Variants in ADAMTS5 observed in about 807,000 individuals in gnomAD.
The protein encoded by ADAMTS5 is A disintegrin and metalloproteinase with thrombospondin motifs 5.
In ADAMTS5, 54 loss-of-function variants were observed where a neutral mutation model predicts 81.4. The observed-to-expected ratio is 0.66, with a 90% CI of 0.53 to 0.83. The LOEUF is 0.83. ADAMTS5 is among the 40% of genes least tolerant of loss of function. ADAMTS5 has a pLI of 0.00. For synonymous variants in ADAMTS5, 532 were observed against 508.8 expected, an observed-to-expected ratio of 1.05 and a Z score of -0.61; for missense variants, 1,194 against 1,229.9, an observed-to-expected ratio of 0.97 and a Z score of 0.44.
At position 26,965,883 on chromosome 21, in the gene ADAMTS5, C is replaced by A; in HGVS notation, c.509G>T (p.Arg170Leu). 1 of 1,613,866 alleles carries A rather than the reference C, an allele frequency of 6.2e-7. No homozygotes were observed. Among genetic ancestry groups the A allele is most frequent in the Non-Finnish European group, 8.5e-7 (1 of 1,179,928 alleles). Residue 170 changes from arginine (R) to leucine (L), a missense_variant, in exon 1 of 8, where the codon CGC (arginine) becomes CTC (leucine). Arg to Leu is a moderately radical substitution (Grantham distance 102). Coordinates refer to ENST00000284987, the MANE Select transcript of ADAMTS5 (RefSeq NM_007038.5). ...HARYTLKPLL[R>L]GPWAEEEKGR... ...CTTTTCTTCCTCCGCCCAGGGTCCG[C>A]GCAGCAGTGGCTTTAGGGTGTAGCG...
intron 7 of ADAMTS5, among the ~76,000 whole-genome samples, chr21:26,926,346 C>T (rs553966816): frequency 6.6e-6 from 1 of 152,314 alleles, no homozygotes; most frequent in African/African-American, 2.4e-5. Flanking sequence ...AACAAGTTCA[C>T]TTTAGAGCTG....
Position 26,965,637 on chromosome 21 carries a change from G to T in ADAMTS5, c.755C>A (p.Pro252Gln). 5 of 1,596,366 alleles carry T rather than the reference G, an allele frequency of 3.1e-6. No individual in the cohort carries two copies. In the African/African-American group the frequency reaches 4.0e-5, roughly 13 times the overall value. Residue 252 changes from proline to glutamine, a missense_variant, in exon 1 of 8, where the codon CCG (proline) becomes CAG (glutamine). Transcript: ENST00000284987. ...GCGCCGCCGCCGCCACCACGTCTGC[G>T]GTCCTGAGCCCCCAGCGGGCGAGAG... ...SALSPAGGSG[P>Q]QTWWRRRRRS...
chr21:26,930,164 G>C, intron 6 of ADAMTS5, 103 bp from the exon 7 acceptor site: 1 of 1,085,972 alleles, frequency 9.2e-7, no homozygotes, highest in Non-Finnish European at 1.3e-6. Flanking sequence ...AGTTTGATTG[G>C]TATGGACAGT....
chr21:26,942,288 C>T (rs1235374332), intron 3 of ADAMTS5, among the ~76,000 whole-genome samples: 1 of 152,098 alleles, frequency 6.6e-6, no homozygotes, highest in Non-Finnish European at 1.5e-5. Context: ...AAACAGTCAA[C>T]ATACTAAAAA....
rs753611853 is a variant in ADAMTS5, at chr21:26,966,122, G to A, written c.270C>T (p.Leu90=). 1.2e-5 allele frequency: 20 copies of A among 1,612,562 alleles called. No homozygotes were observed. In the African/African-American group the frequency reaches 1.9e-4, roughly 15 times the overall value. ...LYSGGGKVGY[L]VYAGGRRFLL... ...GGAACCTCCGGCCGCCCGCGTAGACGAGGTAGCCCACCTTGCCGCCGCCGG... is the reference window on the plus strand; with the variant it reads ...GGAACCTCCGGCCGCCCGCGTAGACAAGGTAGCCCACCTTGCCGCCGCCGG... Residue 90 remains leucine (L), a synonymous_variant, in exon 1 of 8, where the codon CTC becomes CTT. Transcript: ENST00000284987.
chr21:26,964,702 C>T (rs535183803), intron 1 of ADAMTS5, among the ~76,000 whole-genome samples: 1 of 152,256 alleles, frequency 6.6e-6, no homozygotes, highest in Admixed American at 6.5e-5. Flanking sequence ...ACTGAGATTC[C>T]AAGGTGGACA....
Position 26,924,583 on chromosome 21 carries a change from C to A in ADAMTS5, c.2263G>T (p.Ala755Ser). ...YTDVVRIPEG[A>S]THIKVRQFKA... is the part of the protein sequence containing the mutation. ...AACTGTCGAACTTTTATGTGGGTTG[C>A]CCCTTCAGGAATCCTCACCACGTCA... The change falls in exon 8 of 8, where the codon GCA becomes TCA. Residue 755 changes from alanine (A) to serine (S), a missense_variant. Physicochemically the swap from Ala to Ser is moderately conservative, Grantham distance 99 (BLOSUM62 1). Transcript: ENST00000284987. 2 of 1,613,708 alleles carry A rather than the reference C, an allele frequency of 1.2e-6. No individual in the cohort carries two copies. The highest frequency in any genetic ancestry group is 2.2e-5 in the South Asian group (2 of 91,002).
chr21:26,930,577 C>A (rs900824110), intron 6 of ADAMTS5, among the ~76,000 whole-genome samples: 9 of 152,074 alleles, frequency 5.9e-5, no homozygotes, highest in Admixed American at 2.0e-4. Context: ...ATCGACACAA[C>A]CAAATTAGTG....
intron 1 of ADAMTS5, among the ~76,000 whole-genome samples, chr21:26,956,056 A>C (rs1257809135): frequency 1.3e-5 from 2 of 152,192 alleles, no homozygotes; most frequent in Non-Finnish European, 2.9e-5. Context: ...AGTCAGATAC[A>C]TTATAGTGCT....
Position 26,965,367 on chromosome 21 carries a change from C to T in ADAMTS5, c.1025G>A (p.Cys342Tyr). The change falls in exon 1 of 8, where the codon TGC becomes TAC. Residue 342 changes from cysteine to tyrosine, a missense_variant. Physicochemically the swap from Cys to Tyr is radical, Grantham distance 194 (BLOSUM62 -2). This residue lies in a region of ADAMTS5 where 696 missense variants were observed against 817.6 expected (regional missense o/e 0.85). Transcript: ENST00000284987. Reference protein sequence around the residue: ...KNAATTLKNFCKWQHQHNQLG... With the variant: ...KNAATTLKNFYKWQHQHNQLG... ...CTGGTTGTGTTGGTGCTGCCACTTGCAAAAGTTCTTGAGTGTGGTGGCAGC... is the reference window on the plus strand; with the variant it reads ...CTGGTTGTGTTGGTGCTGCCACTTGTAAAAGTTCTTGAGTGTGGTGGCAGC... The T allele has an allele frequency of 6.2e-7, 1 of 1,614,240 alleles. No individual in the cohort carries two copies. Among genetic ancestry groups the T allele is most frequent in the Non-Finnish European group, 8.5e-7 (1 of 1,180,044 alleles).
intron 5 of ADAMTS5, 34 bp downstream of exon 5, chr21:26,932,827 A>G (rs781383149): frequency 3.5e-5 from 55 of 1,577,588 alleles, no homozygotes; most frequent in Non-Finnish European, 4.5e-5. Flanking sequence ...GACATGTAGC[A>G]TATGATGGTT....
rs1405906851 is a variant in ADAMTS5, at chr21:26,918,071, T to C, written c.*5982A>G. On this transcript the variant is annotated 3_prime_UTR_variant, in exon 8 of 8. Transcript: ENST00000284987. Reference sequence around the variant, plus strand: ...ACAGTATAGGTCCCAAACGGCTCAGTTCAAGTCTTTTACCTGAATAACAGA... The same window carrying C: ...ACAGTATAGGTCCCAAACGGCTCAGCTCAAGTCTTTTACCTGAATAACAGA... The C allele has an allele frequency of 6.6e-6, 1 of 152,360 alleles. No individual in the cohort carries two copies. Among genetic ancestry groups the C allele is most frequent in the Non-Finnish European group, 1.5e-5 (1 of 67,878 alleles). The allele number at this position is 152,360 out of a possible 1,614,324, so 9.4% of individuals were successfully genotyped here. A position where few individuals can be genotyped will look rare whatever the true frequency, so the allele number is the denominator to read the frequency against.
In ADAMTS5 at chr21:26,954,947, A is replaced by G. The variant is rs1601017167; in HGVS notation, c.1105-76T>C. The G allele has an allele frequency of 3.9e-6, 6 of 1,546,246 alleles. No homozygotes were observed. In the East Asian group the frequency reaches 1.4e-4, roughly 35 times the overall value. ...AGCCGCCACATAGAGCCACTTGCTT[A>G]CCCCAAATGGCAACAGGGATATGTT... is the stretch of plus-strand genomic sequence containing the variant. On this transcript the variant is annotated intron_variant, in intron 1 of 7. Coordinates refer to ENST00000284987, the MANE Select transcript of ADAMTS5 (RefSeq NM_007038.5).
rs536092904 is a variant in ADAMTS5 at position 26,943,606 on chromosome 21, A to T, written c.1238-59T>A. 3.3e-6 allele frequency: 5 copies of T among 1,501,422 alleles called. No homozygotes were observed. The African/African-American group carries it at 4.2e-5, about 13-fold the overall frequency. The allele number at this position is 1,501,422 out of a possible 1,614,324, so 93.0% of individuals were successfully genotyped here. Reference sequence around the variant, plus strand: ...CGTGATTGTGTATTTCTATCTTTCCATGACAATTATGCTAGGGCTTGATTT... The same window carrying T: ...CGTGATTGTGTATTTCTATCTTTCCTTGACAATTATGCTAGGGCTTGATTT... On this transcript the variant is annotated intron_variant, in intron 2 of 7. Transcript: ENST00000284987.
At position 26,966,349 on chromosome 21, in the gene ADAMTS5, G is replaced by A. The variant is rs1987673161; in HGVS notation, c.43C>T (p.Leu15=). ...WASLLLCAFR[L]PLAAVGPAAT... ...GCGGGGCCGACCGCGGCCAGGGGCA[G>A]GCGGAACGCGCACAGCAGCAGGGAC... Residue 15 remains leucine (L), a synonymous_variant, in exon 1 of 8, where the codon CTG becomes TTG. Transcript: ENST00000284987. 4 of 1,502,768 alleles carry A rather than the reference G, an allele frequency of 2.7e-6. No individual in the cohort carries two copies. The highest frequency in any genetic ancestry group is 3.5e-6 in the Non-Finnish European group (4 of 1,134,490). The allele number at this position is 1,502,768 out of a possible 1,614,324, so 93.1% of individuals were successfully genotyped here.
chr21:26,951,081 G>C (rs1987307721), intron 2 of ADAMTS5, among the ~76,000 whole-genome samples: 1 of 152,030 alleles, frequency 6.6e-6, no homozygotes, highest in Non-Finnish European at 1.5e-5. Flanking sequence ...GGCTGTTAAT[G>C]AACTAAAAAG....
intron 1 of ADAMTS5, among the ~76,000 whole-genome samples, chr21:26,956,072 A>G (rs892705228): frequency 5.9e-5 from 9 of 152,204 alleles, no homozygotes; most frequent in Non-Finnish European, 1.3e-4. Context: ...GTGCTCCCAC[A>G]TCTTTAATAT....
Position 26,934,628 on chromosome 21 carries a change from G to T in ADAMTS5, c.1527C>A (p.Pro509=), listed in dbSNP as rs768998257. The part of the protein sequence containing the change: ...LTFGPEYSVC[P]GMDVCARLWC... The stretch of plus-strand genomic sequence containing the variant: ...ACAGGCGAGCACAGACATCCATGCC[G>T]GGACACACGGAGTACTCAGGCCCGA... Residue 509 remains proline, a synonymous_variant, in exon 4 of 8, where the codon CCC becomes CCA. Coordinates refer to ENST00000284987, the MANE Select transcript of ADAMTS5 (RefSeq NM_007038.5). The T allele has an allele frequency of 1.1e-5, 17 of 1,614,024 alleles. No homozygotes were observed. Among genetic ancestry groups the T allele is most frequent in the Admixed American group, 6.7e-5 (4 of 60,010 alleles).
At chr21:26,950,708 T>G (rs1987300293) in intron 2 of ADAMTS5, among the ~76,000 whole-genome samples, 1 of 152,228 alleles carries the variant, frequency 6.6e-6, no homozygotes. Context: ...TGTTCTAGTT[T>G]CAAATGGTAT....
Sources: allele counts gnomAD v4.1 joint callset (sites outside exome capture counted in the v4.1 genomes callset), GRCh38; gene constraint gnomAD v4.1.1; regional missense constraint gnomAD v4.1.1; transcripts MANE v1.5; gene names NCBI Gene and HGNC (gene_info 2026-07-23, HGNC 2026-07-21).